CSMD1: variants seen among roughly 807,000 people sequenced by gnomAD.
CSMD1 encodes CUB and sushi domain-containing protein 1.
CSMD1 carries 213 observed loss-of-function variants against 417.5 expected under a neutral mutation model. The observed-to-expected ratio is 0.51, with a 90% CI of 0.46 to 0.57. CSMD1 has a LOEUF of 0.57. Among genes scored for constraint, CSMD1 ranks in the 20% least tolerant of loss-of-function variants. The pLI is 0.00. For synonymous variants in CSMD1, 2,862 were observed against 1,736.8 expected, an observed-to-expected ratio of 1.65 and a Z score of -16.11; for missense variants, 6,923 against 4,529.7, an observed-to-expected ratio of 1.53 and a Z score of -15.17.
chr8:3,778,428 CT>C (rs1799008528), intron 5 of CSMD1, among the ~76,000 whole-genome samples: 1 of 152,218 alleles, frequency 6.6e-6, no homozygotes, highest in African/African-American at 2.4e-5. Flanking sequence ...TAAATGATCT[CT>C]TTCCACTTCC....
At position 4,415,376 on chromosome 8, in the gene CSMD1, T is replaced by C. The variant is rs191891035; in HGVS notation, c.415+4577A>G. On this transcript the variant is annotated intron_variant, in intron 3 of 69. Transcript: ENST00000635120. ...CAGGAAGATCCTTCTGTTGTCTCTC[T>C]TCCTTGAGACCTTCTATTCCGGGTT... is the stretch of plus-strand genomic sequence containing the variant. Among the ~76,000 whole-genome samples the C allele has an allele frequency of 3.5e-4, 54 of 152,296 alleles. 2 individuals carry two copies. In the East Asian group the frequency reaches 0.01, roughly 28 times the overall value.
At chr8:3,854,753 GA>G (rs11392855) in intron 5 of CSMD1, among the ~76,000 whole-genome samples, 20 of 146,284 alleles carry the variant, frequency 1.4e-4, no homozygotes, top group East Asian at 4.0e-4. Context: ...GGGTAAAAAA[GA>G]AAAAAAAAAG....
intron 26 of CSMD1, among the ~76,000 whole-genome samples, chr8:3,276,386 C>G (rs775863368): frequency 1.3e-5 from 2 of 152,188 alleles, no homozygotes; most frequent in Admixed American, 6.5e-5. Flanking sequence ...GAGCTGTAGA[C>G]CGGAGCTGTT....
intron 3 of CSMD1, among the ~76,000 whole-genome samples, chr8:4,385,953 A>T (rs76677500): frequency 0.014 from 2,205 of 152,158 alleles, 44 homozygotes; most frequent in African/African-American, 0.042. Flanking sequence ...CAGATACCCA[A>T]CCCAGAGCAT....
intron 5 of CSMD1, among the ~76,000 whole-genome samples, chr8:3,763,591 A>G (rs980907362): frequency 6.6e-6 from 1 of 152,180 alleles, no homozygotes. Flanking sequence ...CAGCCTGTGG[A>G]ATTCTGAGCC....
intron 1 of CSMD1, among the ~76,000 whole-genome samples, chr8:4,949,928 G>C (rs1019072598): frequency 1.3e-5 from 2 of 152,060 alleles, no homozygotes; most frequent in African/African-American, 2.4e-5. Flanking sequence ...GTGTGTGTGT[G>C]TGTATTCTAT....
chr8:4,757,674 T>C (rs773927168), intron 1 of CSMD1, among the ~76,000 whole-genome samples: 2 of 152,124 alleles, frequency 1.3e-5, no homozygotes, highest in African/African-American at 4.8e-5. Flanking sequence ...AAAAGCGACA[T>C]TATGCTGGGC....
In CSMD1 at chr8:2,955,739, C is replaced by A; in HGVS notation, c.9844G>T (p.Ala3282Ser). ...PHACRQPETP[A>S]HADVRAIDLP... is the part of the protein sequence containing the mutation. ...TCGATGGCTCTCACATCCGCGTGTG[C>A]CGGGGTTTCTGGCTGTCTGCAGGCA... The change falls in exon 64 of 70, where the codon GCA becomes TCA. Residue 3282 changes from alanine (A) to serine (S), a missense_variant. Physicochemically the swap from Ala to Ser is moderately conservative, Grantham distance 99. Coordinates refer to ENST00000635120, the MANE Select transcript of CSMD1 (RefSeq NM_033225.6). 2 of 1,613,794 alleles carry A rather than the reference C, an allele frequency of 1.2e-6. No homozygotes were observed. The highest frequency in any genetic ancestry group is 1.7e-5 in the Admixed American group (1 of 59,996).
At chr8:4,506,125 AG>A (rs1802513843) in intron 2 of CSMD1, among the ~76,000 whole-genome samples, 1 of 152,216 alleles carries the variant, frequency 6.6e-6, no homozygotes. Context: ...AGTTGCCAAC[AG>A]CCCAGTTACT....
chr8:4,022,765 G>C lies in CSMD1; in HGVS notation c.610+9140C>G, dbSNP rs189329089. ...AGACAACTAGAAACTTTGGGAATCAGAGAAAACAATTGTATTCCACATATT... is the reference window on the plus strand; with the variant it reads ...AGACAACTAGAAACTTTGGGAATCACAGAAAACAATTGTATTCCACATATT... On this transcript the variant is annotated intron_variant, in intron 4 of 69. Transcript: ENST00000635120. Among the ~76,000 whole-genome samples, 442 of 152,296 alleles carry C rather than the reference G, an allele frequency of 2.9e-3. 1 individual carries two copies. The highest frequency in any genetic ancestry group is 4.2e-3 in the Non-Finnish European group (284 of 68,010).
chr8:4,553,301 T>A (rs577085928), intron 2 of CSMD1, among the ~76,000 whole-genome samples: 1 of 152,178 alleles, frequency 6.6e-6, no homozygotes, highest in Non-Finnish European at 1.5e-5. Flanking sequence ...ATTTCATATA[T>A]CAGCTCTGGG....
intron 1 of CSMD1, among the ~76,000 whole-genome samples, chr8:4,649,114 T>G (rs1195552885): frequency 6.6e-6 from 1 of 152,168 alleles, no homozygotes; most frequent in Non-Finnish European, 1.5e-5. Context: ...ACACCTGTCA[T>G]TATATGATCT....
chr8:4,373,223 G>C (rs1435176928), intron 3 of CSMD1, among the ~76,000 whole-genome samples: 2 of 152,172 alleles, frequency 1.3e-5, no homozygotes, highest in Admixed American at 6.5e-5. Flanking sequence ...AGGAGTCTGA[G>C]AAACTACCCC....
chr8:3,410,713 G>A (rs569844761), intron 12 of CSMD1, among the ~76,000 whole-genome samples: 67 of 152,236 alleles, frequency 4.4e-4, no homozygotes, highest in African/African-American at 1.5e-3. Flanking sequence ...TAATACAGGG[G>A]TTATGTTTTA....
At chr8:3,525,447 G>T (rs866639475) in intron 10 of CSMD1, among the ~76,000 whole-genome samples, 3 of 152,112 alleles carry the variant, frequency 2.0e-5, no homozygotes, top group Middle Eastern at 3.2e-3. Context: ...TACAAGCCAA[G>T]CCATTTTATA....
chr8:3,007,882 T>A (rs886962069), intron 52 of CSMD1, among the ~76,000 whole-genome samples: 9 of 151,778 alleles, frequency 5.9e-5, no homozygotes, highest in African/African-American at 2.2e-4. Context: ...GTAACCAACC[T>A]GCACAATGTG....
chr8:4,861,536 C>T (rs148088137), intron 1 of CSMD1, among the ~76,000 whole-genome samples: 1 of 152,186 alleles, frequency 6.6e-6, no homozygotes, highest in African/African-American at 2.4e-5. Flanking sequence ...GAGAAAATGA[C>T]ATAGGTGGAT....
At chr8:3,655,839 T>C (rs865853667) in intron 7 of CSMD1, among the ~76,000 whole-genome samples, 2 of 152,124 alleles carry the variant, frequency 1.3e-5, no homozygotes, top group African/African-American at 4.8e-5. Flanking sequence ...ATGCAAAGAC[T>C]AGTTGACGGA....
chr8:2,993,812 C>T (rs1452232261), intron 54 of CSMD1, among the ~76,000 whole-genome samples: 4 of 151,962 alleles, frequency 2.6e-5, no homozygotes, highest in African/African-American at 9.7e-5. Flanking sequence ...CCTGGAGTTA[C>T]TCCCCTGCAT....
Sources: gnomAD v4.1 joint callset for allele counts (sites outside exome capture counted in the v4.1 genomes callset) on GRCh38, gnomAD v4.1.1 for gene constraint, MANE v1.5 for transcripts, NCBI Gene and HGNC (gene_info 2026-07-23, HGNC 2026-07-21) for gene names.